PLPPR1: variants seen among roughly 807,000 people sequenced by gnomAD.
PLPPR1 encodes the protein phospholipid phosphatase related 1.
Under a neutral mutation model 33.1 loss-of-function variants are expected in PLPPR1, and 10 were observed. That is an observed-to-expected ratio of 0.30 (90% CI 0.19 to 0.51). The LOEUF (loss-of-function observed/expected upper bound fraction) is 0.51. Among genes scored for constraint, PLPPR1 ranks in the 20% least tolerant of loss-of-function variants. The pLI is 0.97. For missense variants in PLPPR1, 304 were observed against 408.1 expected (o/e 0.74, Z 2.20); for synonymous variants, 151 against 151.0 (o/e 1.00, Z 0.00).
chr9:101,098,477 G>A (rs1830850392), intron 1 of PLPPR1, among the ~76,000 whole-genome samples: 2 of 152,162 alleles, frequency 1.3e-5, no homozygotes, highest in Admixed American at 6.5e-5. Context: ...AGACAGAAGT[G>A]TGGAGATGAT....
rs192562113 is a variant in PLPPR1, at chr9:101,305,704, C to A, written c.386-3507C>A. Among the ~76,000 whole-genome samples, 80 of 152,250 alleles carry A rather than the reference C, an allele frequency of 5.3e-4. 1 individual carries two copies. The highest frequency in any genetic ancestry group is 1.0e-3 in the Non-Finnish European group (70 of 68,026). The stretch of plus-strand genomic sequence containing the variant: ...TGGAATGAGGCCTGTTATTGTTTGT[C>A]AGTAGACCAATTACTGGTGGCTTTG... On this transcript the variant is annotated intron_variant, in intron 4 of 7. Transcript: ENST00000374874.
At chr9:101,167,442 T>C (rs1183221289) in intron 1 of PLPPR1, among the ~76,000 whole-genome samples, 1 of 151,528 alleles carries the variant, frequency 6.6e-6, no homozygotes, top group Non-Finnish European at 1.5e-5. Flanking sequence ...AATACTTTCC[T>C]GTACAGCTTT....
rs535701395 is a variant in PLPPR1, at chr9:101,171,713, GT to G, written c.-45-13736del. On this transcript the variant is annotated intron_variant, in intron 1 of 7. Transcript: ENST00000374874. ...GCACTCACCTGCAATCTCACTGGATGTGTTCCTATCCCTTAATGTCTTTGTT... is the reference window on the plus strand; with the variant it reads ...GCACTCACCTGCAATCTCACTGGATGGTTCCTATCCCTTAATGTCTTTGTT... 2.4e-4 allele frequency among the ~76,000 whole-genome samples: 37 copies of G among 152,304 alleles called. No individual in the cohort carries two copies. In the East Asian group the frequency reaches 6.7e-3, roughly 28 times the overall value.
At chr9:101,224,961 G>A (rs1827031990) in intron 2 of PLPPR1, among the ~76,000 whole-genome samples, 1 of 152,090 alleles carries the variant, frequency 6.6e-6, no homozygotes, top group Non-Finnish European at 1.5e-5. Context: ...TGTATGTATA[G>A]TTCACATTTA....
intron 1 of PLPPR1, among the ~76,000 whole-genome samples, chr9:101,085,795 T>A (rs1205402195): frequency 2.0e-5 from 3 of 152,058 alleles, no homozygotes. Context: ...TGGACTCACT[T>A]CTTTAGCTTG....
At chr9:101,286,289 A>G in intron 4 of PLPPR1, 53 bp downstream of exon 4, 1 of 1,512,534 alleles carries the variant, frequency 6.6e-7, no homozygotes, top group East Asian at 2.3e-5. Flanking sequence ...AAAATTACTA[A>G]AGGCAAACAC....
intron 1 of PLPPR1, among the ~76,000 whole-genome samples, chr9:101,123,588 CTATT>C (rs1261151141): frequency 6.6e-6 from 1 of 152,166 alleles, no homozygotes; most frequent in African/African-American, 2.4e-5. Context: ...GGAGCCCACA[CTATT>C]TATTGGTAAT....
chr9:101,257,307 G>A (rs193121078), intron 2 of PLPPR1, among the ~76,000 whole-genome samples: 30 of 152,220 alleles, frequency 2.0e-4, no homozygotes, highest in Non-Finnish European at 1.9e-4. Flanking sequence ...ACATTTATAT[G>A]AAACCAATAG....
intron 1 of PLPPR1, among the ~76,000 whole-genome samples, chr9:101,076,031 G>A (rs1830531415): frequency 6.6e-6 from 1 of 152,140 alleles, no homozygotes; most frequent in East Asian, 1.9e-4. Flanking sequence ...AGATGAAGCT[G>A]GAGATTGGAC....
chr9:101,258,682 C>T (rs1349175886), intron 2 of PLPPR1, among the ~76,000 whole-genome samples: 1 of 152,172 alleles, frequency 6.6e-6, no homozygotes, highest in African/African-American at 2.4e-5. Context: ...ACCACTGTCA[C>T]TTTCTCATGC....
At chr9:101,185,083 C>G (rs1256876774) in intron 1 of PLPPR1, 1 of 155,740 alleles carries the variant, frequency 6.4e-6, no homozygotes, top group East Asian at 1.9e-4. Context: ...TAAGAGAGAT[C>G]CATGCAGGAT....
chr9:101,311,106 G>A (rs1828946343), intron 5 of PLPPR1, among the ~76,000 whole-genome samples: 1 of 151,994 alleles, frequency 6.6e-6, no homozygotes, highest in Admixed American at 6.6e-5. Context: ...TTTTTTATCA[G>A]ACTCAAGTCA....
At chr9:101,130,871 T>C (rs930447122) in intron 1 of PLPPR1, among the ~76,000 whole-genome samples, 7 of 152,186 alleles carry the variant, frequency 4.6e-5, no homozygotes, top group Admixed American at 2.6e-4. Context: ...GTATGTGTTT[T>C]GGTTTTGACA....
intron 1 of PLPPR1, among the ~76,000 whole-genome samples, chr9:101,145,676 T>G (rs1831512044): frequency 6.6e-6 from 1 of 151,234 alleles, no homozygotes; most frequent in South Asian, 2.1e-4. Flanking sequence ...CCATCATGAC[T>G]GGCAATATAT....
intron 2 of PLPPR1, among the ~76,000 whole-genome samples, chr9:101,186,672 A>G (rs1826209714): frequency 2.0e-5 from 3 of 151,854 alleles, no homozygotes. Context: ...ATAGTCAGAT[A>G]ATTTTGAGCA....
intron 2 of PLPPR1, among the ~76,000 whole-genome samples, chr9:101,260,106 C>T (rs1236161526): frequency 1.3e-5 from 2 of 152,076 alleles, no homozygotes; most frequent in Non-Finnish European, 1.5e-5. Flanking sequence ...CTCACTGAGG[C>T]CAGGAGAGAG....
intron 1 of PLPPR1, among the ~76,000 whole-genome samples, chr9:101,091,639 T>G (rs539658093): frequency 1.1e-3 from 175 of 152,338 alleles, no homozygotes; most frequent in African/African-American, 4.1e-3. Flanking sequence ...TAAGGTCATC[T>G]GGTTAGCAAC....
At chr9:101,186,874 G>T (rs1333181768) in intron 2 of PLPPR1, among the ~76,000 whole-genome samples, 2 of 151,882 alleles carry the variant, frequency 1.3e-5, no homozygotes, top group Non-Finnish European at 2.9e-5. Flanking sequence ...TATAAGCGAA[G>T]TTACATATAG....
At chr9:101,047,858 C>G (rs114683270) in intron 1 of PLPPR1, among the ~76,000 whole-genome samples, 1 of 152,248 alleles carries the variant, frequency 6.6e-6, no homozygotes, top group African/African-American at 2.4e-5. Flanking sequence ...TTGTTTTCTA[C>G]CCTTTTGATT....
Sources: gnomAD v4.1 joint callset for allele counts (sites outside exome capture counted in the v4.1 genomes callset) on GRCh38, gnomAD v4.1.1 for gene constraint, MANE v1.5 for transcripts, NCBI Gene and HGNC (gene_info 2026-07-23, HGNC 2026-07-21) for gene names.